Variants in TXNDC15 observed in about 807,000 individuals in gnomAD.
TXNDC15 encodes the protein thioredoxin domain containing 15.
TXNDC15 carries 24 observed loss-of-function variants against 35.0 expected under a neutral mutation model. That is an observed-to-expected ratio of 0.68 (90% CI 0.50 to 0.96). TXNDC15 has a LOEUF of 0.96. Among genes scored for constraint, TXNDC15 ranks in the 40% least tolerant of loss-of-function variants. The pLI, the probability that TXNDC15 is intolerant of heterozygous loss-of-function variation, is 0.00. For missense variants in TXNDC15, 385 were observed against 453.3 expected (o/e 0.85, Z 1.37); for synonymous variants, 169 against 174.0 (o/e 0.97, Z 0.23).
At chr5:134,879,564 C>A (rs1408609602) in intron 1 of TXNDC15, among the ~76,000 whole-genome samples, 1 of 152,040 alleles carries the variant, frequency 6.6e-6, no homozygotes, top group Non-Finnish European at 1.5e-5. Flanking sequence ...ATCATACAGG[C>A]AATACACACT....
intron 1 of TXNDC15, among the ~76,000 whole-genome samples, chr5:134,883,008 G>T (rs1021933034): frequency 6.6e-6 from 1 of 152,242 alleles, no homozygotes; most frequent in African/African-American, 2.4e-5. Context: ...GTACGATTTG[G>T]GCTGGGCACG....
At chr5:134,874,181 G>A (rs1356011680), upstream of TXNDC15, 8 of 491,074 alleles carry the variant, frequency 1.6e-5, no homozygotes, top group South Asian at 2.7e-5. Flanking sequence ...GCACTCTGGG[G>A]TCAGCAGAGT....
intron 1 of TXNDC15, among the ~76,000 whole-genome samples, chr5:134,875,692 T>A (rs1750020339): frequency 1.3e-5 from 2 of 151,846 alleles, no homozygotes; most frequent in African/African-American, 2.4e-5. Flanking sequence ...TTTTTTGAGA[T>A]GGAGTCTCGC....
intron 2 of TXNDC15, among the ~76,000 whole-genome samples, chr5:134,892,017 A>G (rs2150189032): frequency 6.6e-6 from 1 of 152,332 alleles, no homozygotes; most frequent in South Asian, 2.1e-4. Context: ...GAAGCCAGGC[A>G]TTGACATCTC....
intron 1 of TXNDC15, among the ~76,000 whole-genome samples, chr5:134,883,825 G>C (rs1750215445): frequency 6.6e-6 from 1 of 150,628 alleles, no homozygotes; most frequent in Non-Finnish European, 1.5e-5. Context: ...TGAGGCAGGA[G>C]AATTGCTTGA....
intron 1 of TXNDC15, among the ~76,000 whole-genome samples, chr5:134,885,176 C>A (rs1750252128): frequency 6.6e-6 from 1 of 152,182 alleles, no homozygotes; most frequent in African/African-American, 2.4e-5. Flanking sequence ...CCCACCTCGG[C>A]CTTCCAAATT....
intron 3 of TXNDC15, among the ~76,000 whole-genome samples, chr5:134,894,583 G>C (rs915573445): frequency 2.6e-5 from 4 of 151,948 alleles, no homozygotes. Context: ...GGCTGGTCTC[G>C]AACTCCTGAC....
At chr5:134,876,109 C>T (rs190610113) in intron 1 of TXNDC15, among the ~76,000 whole-genome samples, 15 of 152,346 alleles carry the variant, frequency 9.8e-5, no homozygotes, top group Admixed American at 7.8e-4. Context: ...CCATGTCTGC[C>T]TGACTTCAGA....
At chr5:134,883,686 GC>G in intron 1 of TXNDC15, among the ~76,000 whole-genome samples, 1 of 151,878 alleles carries the variant, frequency 6.6e-6, no homozygotes, top group Non-Finnish European at 1.5e-5. Flanking sequence ...GCTGAGGCAG[GC>G]AGATCACTTG....
rs1168556053 is a variant in TXNDC15, at chr5:134,900,862, A to C, written c.*1177A>C. 6.6e-6 allele frequency: 1 copy of C among 150,950 alleles called. No homozygotes were observed. Among genetic ancestry groups the C allele is most frequent in the Non-Finnish European group, 1.5e-5 (1 of 67,926 alleles). 9.4% of individuals were successfully genotyped at this position (150,950 alleles called of 1,614,324 possible). A position where few individuals can be genotyped will look rare whatever the true frequency, so the allele number is the denominator to read the frequency against. ...GAGTGCAATGGTGCAATCTTGGCTC[A>C]CTGCAACCTCTGCTTCCCGGGTTCA... is the stretch of plus-strand genomic sequence containing the variant. On this transcript the variant is annotated 3_prime_UTR_variant, in exon 5 of 5. Coordinates refer to ENST00000358387, the MANE Select transcript of TXNDC15 (RefSeq NM_024715.4).
Position 134,893,604 on chromosome 5 carries a change from G to A in TXNDC15, c.704G>A (p.Arg235Gln), listed in dbSNP as rs1157809018. 2.2e-5 allele frequency: 35 copies of A among 1,614,114 alleles called. No individual in the cohort carries two copies. The highest frequency in any genetic ancestry group is 3.3e-5 in the Admixed American group (2 of 60,020). ...SLAPHFNSLP[R>Q]AFPALHFLAL... ...GCCCCTCACTTTAACTCTCTGCCCC[G>A]GGCATTTCCAGCTCTTCACTTTTTG... Residue 235 changes from arginine to glutamine, a missense_variant, in exon 3 of 5, where the codon CGG becomes CAG. Arg to Gln is a conservative substitution (Grantham distance 43). Transcript: ENST00000358387.
At chr5:134,896,514 T>C in intron 4 of TXNDC15, 90 bp downstream of exon 4, 3 of 1,526,142 alleles carry the variant, frequency 2.0e-6, no homozygotes, top group Non-Finnish European at 2.7e-6. Flanking sequence ...AATCCTTAAG[T>C]GAAGGATTCA....
chr5:134,878,842 T>TA (rs1304391147), intron 1 of TXNDC15, among the ~76,000 whole-genome samples: 1 of 151,916 alleles, frequency 6.6e-6, no homozygotes, highest in East Asian at 1.9e-4. Context: ...CTACTAAAAA[T>TA]AAAAAAAGTA....
chr5:134,899,506 A>T lies in TXNDC15; in HGVS notation c.904A>T (p.Asn302Tyr). The T allele has an allele frequency of 6.2e-7, 1 of 1,612,844 alleles. No individual in the cohort carries two copies. The highest frequency in any genetic ancestry group is 8.5e-7 in the Non-Finnish European group (1 of 1,179,776). Reference protein sequence around the residue: ...FNQTGIEAKKNVVVTQADQIG... With the variant: ...FNQTGIEAKKYVVVTQADQIG... ...TCTTTCAGGTATAGAAGCCAAGAAG[A>T]ATGTGGTGGTAACTCAAGCCGACCA... Residue 302 changes from asparagine (N) to tyrosine (Y), a missense_variant, in exon 5 of 5, where the codon AAT becomes TAT. Physicochemically the swap from Asn to Tyr is moderately radical, Grantham distance 143. Coordinates refer to ENST00000358387, the MANE Select transcript of TXNDC15 (RefSeq NM_024715.4).
chr5:134,885,928 T>C (rs936173976), intron 1 of TXNDC15, among the ~76,000 whole-genome samples: 1 of 152,234 alleles, frequency 6.6e-6, no homozygotes, highest in African/African-American at 2.4e-5. Flanking sequence ...TCCCAGATAA[T>C]GTTTTTGAAT....
At chr5:134,896,483 C>T (rs1395317306) in intron 4 of TXNDC15, 59 bp downstream of exon 4, 7 of 1,598,794 alleles carry the variant, frequency 4.4e-6, no homozygotes, top group Non-Finnish European at 6.0e-6. Flanking sequence ...TCTGTGCCTT[C>T]TGTGGGTTCT....
At chr5:134,874,362 C>A (rs1023499190), upstream of TXNDC15, 3 of 1,413,168 alleles carry the variant, frequency 2.1e-6, no homozygotes, top group East Asian at 2.7e-5. Flanking sequence ...CTCTCCTCCC[C>A]CAGCCTTCCT....
chr5:134,899,117 C>A (rs966521026), intron 4 of TXNDC15, among the ~76,000 whole-genome samples: 2 of 152,040 alleles, frequency 1.3e-5, no homozygotes, highest in African/African-American at 4.8e-5. Context: ...ATTACTTAAC[C>A]TGTGAAAACA....
At chr5:134,886,889 C>T (rs1750286131) in intron 1 of TXNDC15, among the ~76,000 whole-genome samples, 1 of 152,206 alleles carries the variant, frequency 6.6e-6, no homozygotes, top group Non-Finnish European at 1.5e-5. Context: ...CTGTGCCTTG[C>T]CTCGTTACCT....
Sources: allele counts gnomAD v4.1 joint callset (sites outside exome capture counted in the v4.1 genomes callset), GRCh38; gene constraint gnomAD v4.1.1; transcripts MANE v1.5; gene names NCBI Gene and HGNC (gene_info 2026-07-23, HGNC 2026-07-21).